CAMTA1: variants seen among roughly 807,000 people sequenced by gnomAD.
CAMTA1 encodes calmodulin-binding transcription activator 1.
Under a neutral mutation model 170.9 loss-of-function variants are expected in CAMTA1, and 27 were observed. The observed-to-expected ratio is 0.16, with a 90% CI of 0.12 to 0.22. The LOEUF (loss-of-function observed/expected upper bound fraction) is 0.22, where lower values mean the gene tolerates loss of function less well. CAMTA1 is among the 10% of genes least tolerant of loss of function. The pLI is 1.00. For missense variants in CAMTA1, 1,619 were observed against 2,217.2 expected, an observed-to-expected ratio of 0.73 and a Z score of 5.42; for synonymous variants, 833 against 891.5, an observed-to-expected ratio of 0.93 and a Z score of 1.17.
chr1:7,135,592 G>A (rs1645496340), intron 4 of CAMTA1, among the ~76,000 whole-genome samples: 1 of 151,920 alleles, frequency 6.6e-6, no homozygotes, highest in Non-Finnish European at 1.5e-5. Context: ...TCACTCCCAG[G>A]CCATTGTCAT....
At chr1:7,712,240 C>A (rs1378523492) in intron 11 of CAMTA1, among the ~76,000 whole-genome samples, 3 of 152,090 alleles carry the variant, frequency 2.0e-5, no homozygotes, top group Middle Eastern at 3.4e-3. Flanking sequence ...CAGTCTAGTT[C>A]TCTAATGTTT....
At chr1:6,800,453 A>G (rs571264211) in intron 1 of CAMTA1, among the ~76,000 whole-genome samples, 6 of 152,284 alleles carry the variant, frequency 3.9e-5, no homozygotes, top group African/African-American at 1.2e-4. Flanking sequence ...AAAAAGATGT[A>G]CAACACCAAA....
rs992013876 is a variant in CAMTA1 at position 7,300,068 on chromosome 1, T to A, written c.438+50442T>A. ...CAGAAAATTGCTTGCTGTCTGTTTA[T>A]TTTAGAATCAAGCAGCTTCTGTATA... is the stretch of plus-strand genomic sequence containing the variant. On this transcript the variant is annotated intron_variant, in intron 5 of 22. Coordinates refer to ENST00000303635, the MANE Select transcript of CAMTA1 (RefSeq NM_015215.4). The surrounding 1 kb of genome is among the most constrained non-coding windows in gnomAD (Gnocchi z 4.1). Among the ~76,000 whole-genome samples, 1 of 152,200 alleles carries A rather than the reference T, an allele frequency of 6.6e-6. No homozygotes were observed. The highest frequency in any genetic ancestry group is 6.5e-5 in the Admixed American group (1 of 15,284).
chr1:7,714,096 CT>C (rs1349125785), intron 11 of CAMTA1, among the ~76,000 whole-genome samples: 4 of 152,170 alleles, frequency 2.6e-5, no homozygotes, highest in Non-Finnish European at 4.4e-5. Context: ...AAGACACTGA[CT>C]TTTAGCCAAA....
At chr1:7,469,018 C>T (rs114704859) in intron 6 of CAMTA1, among the ~76,000 whole-genome samples, 2,643 of 152,306 alleles carry the variant, frequency 0.017, 63 homozygotes, top group African/African-American at 0.059. Context: ...TAGACAGGGC[C>T]CTCTATCCAT....
intron 3 of CAMTA1, among the ~76,000 whole-genome samples, chr1:6,881,433 A>G (rs570707291): frequency 6.7e-4 from 102 of 152,262 alleles, no homozygotes; most frequent in African/African-American, 2.0e-3. Flanking sequence ...AAGCAGAGGG[A>G]ACTGCAAAAG....
At position 7,664,073 on chromosome 1, in the gene CAMTA1, G is replaced by A; in HGVS notation, c.1526G>A (p.Ser509Asn). 6.2e-7 allele frequency: 1 copy of A among 1,613,694 alleles called. No homozygotes were observed. The highest frequency in any genetic ancestry group is 8.5e-7 in the Non-Finnish European group (1 of 1,180,048). Residue 509 changes from serine to asparagine, a missense_variant, in exon 9 of 23, where the codon AGC (serine) becomes AAC (asparagine). Around this residue, in one of 8 missense-constraint regions of CAMTA1, gnomAD observed 731 missense variants for 907.6 expected, o/e 0.81. Coordinates refer to ENST00000303635, the MANE Select transcript of CAMTA1 (RefSeq NM_015215.4). Reference sequence around the variant, plus strand: ...GGAGGCCTGAAAGCCGAGATGGTCAGCTCCAACATCCGGCACTCGCCACCC... The same window carrying A: ...GGAGGCCTGAAAGCCGAGATGGTCAACTCCAACATCCGGCACTCGCCACCC... ...GGGGLKAEMV[S>N]SNIRHSPPGE...
chr1:6,941,351 G>A (rs901671381), intron 3 of CAMTA1, among the ~76,000 whole-genome samples: 8 of 152,152 alleles, frequency 5.3e-5, no homozygotes, highest in East Asian at 1.9e-4. Context: ...TTCTTGAATC[G>A]CACACTTACC....
chr1:7,620,839 G>A (rs1325478154), intron 6 of CAMTA1, among the ~76,000 whole-genome samples: 1 of 152,194 alleles, frequency 6.6e-6, no homozygotes, highest in Non-Finnish European at 1.5e-5. Context: ...GACCATTCAA[G>A]AGTGGGTCAG....
intron 6 of CAMTA1, among the ~76,000 whole-genome samples, chr1:7,541,334 G>A (rs1345709176): frequency 6.6e-6 from 1 of 152,190 alleles, no homozygotes; most frequent in Non-Finnish European, 1.5e-5. Context: ...ATGCTGCCTT[G>A]GCTTTGAGGA....
At chr1:7,407,301 A>G (rs1420615623) in intron 5 of CAMTA1, among the ~76,000 whole-genome samples, 5 of 152,182 alleles carry the variant, frequency 3.3e-5, no homozygotes, top group Non-Finnish European at 5.9e-5. Context: ...AGAGGCTATT[A>G]AAGCCAGGGC....
rs200026629 is a variant in CAMTA1, at chr1:7,680,990, CGG to C, written c.2914+3262_2914+3263del. On this transcript the variant is annotated intron_variant, in intron 11 of 22. Transcript: ENST00000303635. This position sits in a 1 kb window ranked among gnomAD's most constrained non-coding sequence, Gnocchi z 4.4. ...AGGGCGATCGTCCCCACGTTGGGGC[CGG>C]GGGGCAGGGACCCGACGTCCCCAAA... Among the ~76,000 whole-genome samples, 1 of 151,988 alleles carries C rather than the reference CGG, an allele frequency of 6.6e-6. No homozygotes were observed. The highest frequency in any genetic ancestry group is 1.5e-5 in the Non-Finnish European group (1 of 67,976).
intron 11 of CAMTA1, among the ~76,000 whole-genome samples, chr1:7,731,157 G>T (rs1395252518): frequency 6.6e-6 from 1 of 152,096 alleles, no homozygotes; most frequent in South Asian, 2.1e-4. Context: ...TAGTAAAGTG[G>T]TACAGAATCA....
chr1:6,889,693 C>T (rs1302822228), intron 3 of CAMTA1, among the ~76,000 whole-genome samples: 1 of 152,156 alleles, frequency 6.6e-6, no homozygotes, highest in Non-Finnish European at 1.5e-5. Flanking sequence ...AAGGAGAAAT[C>T]AGCATGTTTT....
intron 6 of CAMTA1, among the ~76,000 whole-genome samples, chr1:7,494,674 C>T (rs1202489196): frequency 6.6e-6 from 1 of 152,058 alleles, no homozygotes. Context: ...TGTGGTGGCG[C>T]ACACCTGTAA....
intron 7 of CAMTA1, among the ~76,000 whole-genome samples, chr1:7,647,155 C>T (rs971805888): frequency 6.6e-6 from 1 of 152,152 alleles, no homozygotes; most frequent in Non-Finnish European, 1.5e-5. Context: ...GATCCCCAGA[C>T]CCCCAGCCTC....
chr1:7,096,221 C>A (rs796277867), intron 4 of CAMTA1, among the ~76,000 whole-genome samples: 1 of 152,278 alleles, frequency 6.6e-6, no homozygotes, highest in South Asian at 2.1e-4. Flanking sequence ...AAAAAGACTC[C>A]AGTGGCTCAG....
intron 4 of CAMTA1, among the ~76,000 whole-genome samples, chr1:7,145,079 C>T (rs764129081): frequency 5.9e-5 from 9 of 152,198 alleles, no homozygotes; most frequent in East Asian, 1.9e-4. Context: ...GGTTCAATGA[C>T]GTGGCCAAGA....
Position 7,284,174 on chromosome 1 carries a change from CTTCTTATTATTA to C in CAMTA1, c.438+34551_438+34562del, listed in dbSNP as rs1347478253. On this transcript the variant is annotated intron_variant, in intron 5 of 22. Transcript: ENST00000303635. ...TCTTCTTCTTCTTCTTCTTCTTCTT[CTTCTTATTATTA>C]TTATTATTATTATTATTATTATTAT... Among the ~76,000 whole-genome samples, 351 of 108,012 alleles carry C rather than the reference CTTCTTATTATTA, an allele frequency of 3.2e-3. 1 individual carries two copies. The highest frequency in any genetic ancestry group is 0.013 in the Middle Eastern group (3 of 224). 70.9% of individuals were successfully genotyped at this position (108,012 alleles called of 152,430 possible).
Sources: gnomAD v4.1 joint callset for allele counts (sites outside exome capture counted in the v4.1 genomes callset) on GRCh38, gnomAD v4.1.1 for gene constraint, gnomAD v4.1.1 regional missense constraint, Gnocchi (gnomAD v3.1) non-coding constraint, MANE v1.5 for transcripts, NCBI Gene and HGNC (gene_info 2026-07-23, HGNC 2026-07-21) for gene names.